Variants in SHLD1 observed in about 807,000 individuals in gnomAD.
SHLD1 encodes the protein RINN1-REV7-interacting novel NHEJ regulator 3.
Under a neutral mutation model 5.5 loss-of-function variants are expected in SHLD1, and 3 were observed. The ratio of observed to expected loss-of-function variants is 0.54; its 90% confidence interval spans 0.25 to 1.40. The LOEUF is 1.40. SHLD1 is among the 40% of genes most tolerant of loss of function. The pLI is 0.15. For missense variants in SHLD1, 210 were observed against 244.4 expected (o/e 0.86, Z 0.94); for synonymous variants, 92 against 94.3 (o/e 0.98, Z 0.14).
At chr20:5,803,897 A>G (rs1285303025) in intron 2 of SHLD1, among the ~76,000 whole-genome samples, 2 of 141,972 alleles carry the variant, frequency 1.4e-5, no homozygotes, top group Non-Finnish European at 3.2e-5. Flanking sequence ...TTAAAAAAAA[A>G]AAACAAAACA....
rs533313849 is a variant in SHLD1, at chr20:5,775,923, ATTTT to A, written c.178+2899_178+2902del. ...TGCAGTACTGCCTGGTCAGCTCAGG[ATTTT>A]TTTTTTTTTTTTTTTTTTGAGATGG... On this transcript the variant is annotated intron_variant, in intron 2 of 2. Coordinates refer to ENST00000303142, the MANE Select transcript of SHLD1 (RefSeq NM_152504.4). 6.7e-3 allele frequency among the ~76,000 whole-genome samples: 522 copies of A among 77,684 alleles called. 21 individuals are homozygous for A. Among genetic ancestry groups the A allele is most frequent in the African/African-American group, 0.029 (479 of 16,796 alleles). The allele number at this position is 77,684 out of a possible 152,430, so 51.0% of individuals were successfully genotyped here.
chr20:5,839,537 CAGAT>C lies in SHLD1; in HGVS notation c.179-23483_179-23480del, dbSNP rs995073058. On this transcript the variant is annotated intron_variant, in intron 2 of 2. Transcript: ENST00000303142. ...GATAGATAGATAGATGATAGATAGA[CAGAT>C]AGACAGAAAAGCAGACCAAAGTATA... Among the ~76,000 whole-genome samples the C allele has an allele frequency of 3.8e-4, 50 of 130,948 alleles. No homozygotes were observed. In the South Asian group the frequency reaches 9.3e-3, roughly 24 times the overall value. The allele number at this position is 130,948 out of a possible 152,430, so 85.9% of individuals were successfully genotyped here. A position where few individuals can be genotyped will look rare whatever the true frequency, so the allele number is the denominator to read the frequency against.
At chr20:5,859,095 T>A (rs1195515775) in intron 2 of SHLD1, among the ~76,000 whole-genome samples, 1 of 152,130 alleles carries the variant, frequency 6.6e-6, no homozygotes, top group Non-Finnish European at 1.5e-5. Flanking sequence ...AAAAGCCATC[T>A]CATGGTCTGA....
intron 1 of SHLD1, among the ~76,000 whole-genome samples, chr20:5,761,930 T>C (rs1984490294): frequency 6.6e-6 from 1 of 151,880 alleles, no homozygotes; most frequent in African/African-American, 2.4e-5. Flanking sequence ...TTCATATAAT[T>C]CTTATGACAT....
At chr20:5,850,345 T>C (rs1248304796) in intron 2 of SHLD1, among the ~76,000 whole-genome samples, 1 of 151,728 alleles carries the variant, frequency 6.6e-6, no homozygotes, top group East Asian at 1.9e-4. Context: ...TTTCTTCCTC[T>C]CTTGTAAGGA....
At chr20:5,796,012 G>T (rs2087207963) in intron 2 of SHLD1, among the ~76,000 whole-genome samples, 1 of 151,652 alleles carries the variant, frequency 6.6e-6, no homozygotes, top group South Asian at 2.1e-4. Context: ...AAGAAAGAAA[G>T]AAAATATCAT....
intron 2 of SHLD1, among the ~76,000 whole-genome samples, chr20:5,829,058 G>C (rs1250379302): frequency 6.6e-6 from 1 of 151,362 alleles, no homozygotes; most frequent in African/African-American, 2.4e-5. Context: ...AATTATTTTT[G>C]TAGAGACAGA....
chr20:5,823,511 G>A (rs931261088), intron 2 of SHLD1, among the ~76,000 whole-genome samples: 15 of 150,746 alleles, frequency 1.0e-4, no homozygotes, highest in African/African-American at 2.4e-4. Context: ...GTAATGACGC[G>A]ATCTCAGCTC....
chr20:5,862,143 T>C (rs1056668809), intron 2 of SHLD1, among the ~76,000 whole-genome samples: 1 of 152,232 alleles, frequency 6.6e-6, no homozygotes, highest in African/African-American at 2.4e-5. Context: ...CCAAATATAG[T>C]CATGTTGGGG....
At chr20:5,851,758 C>T (rs940008001) in intron 2 of SHLD1, among the ~76,000 whole-genome samples, 4 of 151,438 alleles carry the variant, frequency 2.6e-5, no homozygotes, top group Non-Finnish European at 4.4e-5. Flanking sequence ...ATGTCTGTCC[C>T]GTCTAAATCT....
chr20:5,814,357 G>A (rs566338059), intron 2 of SHLD1, among the ~76,000 whole-genome samples: 1 of 152,136 alleles, frequency 6.6e-6, no homozygotes, highest in South Asian at 2.1e-4. Flanking sequence ...ACTGGCAAAA[G>A]TAAGCTTCAT....
At chr20:5,836,742 A>G (rs1011795852) in intron 2 of SHLD1, among the ~76,000 whole-genome samples, 44 of 152,302 alleles carry the variant, frequency 2.9e-4, no homozygotes, top group African/African-American at 1.0e-3. Flanking sequence ...GTCATCCTAT[A>G]TGAAACTCCC....
intron 2 of SHLD1, among the ~76,000 whole-genome samples, chr20:5,774,097 G>A (rs549883076): frequency 5.3e-5 from 8 of 152,122 alleles, no homozygotes; most frequent in African/African-American, 1.7e-4. Flanking sequence ...CCAGCTACTC[G>A]GGAGGCTGAA....
chr20:5,762,000 C>T (rs796920823), intron 1 of SHLD1, among the ~76,000 whole-genome samples: 4 of 151,736 alleles, frequency 2.6e-5, no homozygotes, highest in African/African-American at 9.7e-5. Context: ...ACCTGTAATC[C>T]TAGCACTTTG....
chr20:5,836,600 G>A (rs1264749404), intron 2 of SHLD1, among the ~76,000 whole-genome samples: 2 of 152,210 alleles, frequency 1.3e-5, no homozygotes, highest in East Asian at 1.9e-4. Flanking sequence ...CGCATTGCCC[G>A]CTCCCTCCTT....
intron 1 of SHLD1, among the ~76,000 whole-genome samples, chr20:5,750,772 CAAAA>C (rs1207760013): frequency 2.6e-5 from 4 of 151,624 alleles, no homozygotes; most frequent in South Asian, 2.1e-4. Context: ...AACCAACAAA[CAAAA>C]AAACAGCTTT....
intron 1 of SHLD1, among the ~76,000 whole-genome samples, chr20:5,764,135 A>ATATATAT (rs1467661351): frequency 1.1e-3 from 109 of 96,228 alleles, no homozygotes; most frequent in African/African-American, 4.5e-3. Flanking sequence ...TCAAAAAAAA[A>ATATATAT]AAAAATATAT....
At chr20:5,833,566 G>A (rs866003375) in intron 2 of SHLD1, among the ~76,000 whole-genome samples, 1 of 151,896 alleles carries the variant, frequency 6.6e-6, no homozygotes, top group Non-Finnish European at 1.5e-5. Flanking sequence ...ATAAATTACT[G>A]TCTGTCCTGA....
intron 2 of SHLD1, among the ~76,000 whole-genome samples, chr20:5,810,881 C>G (rs1380915195): frequency 8.2e-6 from 1 of 122,530 alleles, no homozygotes; most frequent in Non-Finnish European, 1.7e-5. Flanking sequence ...GAGTGAGACT[C>G]TGTCTCAAAA....
Sources: gnomAD v4.1 joint callset for allele counts (sites outside exome capture counted in the v4.1 genomes callset) on GRCh38, gnomAD v4.1.1 for gene constraint, MANE v1.5 for transcripts, NCBI Gene and HGNC (gene_info 2026-07-23, HGNC 2026-07-21) for gene names.